TEC: variants seen among roughly 807,000 people sequenced by gnomAD.
The protein encoded by TEC is tyrosine-protein kinase Tec.
TEC carries 72 observed loss-of-function variants against 93.0 expected under a neutral mutation model. The ratio of observed to expected loss-of-function variants is 0.77; its 90% CI spans 0.64 to 0.94. TEC has a LOEUF of 0.94. TEC is among the 40% of genes least tolerant of loss of function. The pLI, the probability that TEC is intolerant of heterozygous loss-of-function variation, is 0.00. For synonymous variants in TEC, 249 were observed against 247.7 expected (o/e 1.01, Z -0.05); for missense variants, 630 against 757.9 (o/e 0.83, Z 1.98).
chr4:48,179,356 A>ATC (rs1274067290), intron 2 of TEC, among the ~76,000 whole-genome samples: 416 of 34,452 alleles, frequency 0.012, 5 homozygotes, highest in African/African-American at 0.043. Context: ...ATATATATAT[A>ATC]TATATATATA....
At chr4:48,176,518 C>T (rs1481983680) in intron 2 of TEC, among the ~76,000 whole-genome samples, 1 of 152,054 alleles carries the variant, frequency 6.6e-6, no homozygotes, top group Admixed American at 6.6e-5. Context: ...GCCAGCAGTT[C>T]GAGACCAGCC....
chr4:48,238,680 T>G (rs73817608), intron 1 of TEC, among the ~76,000 whole-genome samples: 23,670 of 149,764 alleles, frequency 0.16, 2,148 homozygotes, highest in Non-Finnish European at 0.2. Flanking sequence ...TTATGTAAAT[T>G]TATATATATG....
intron 14 of TEC, among the ~76,000 whole-genome samples, chr4:48,142,712 C>T (rs1046203820): frequency 3.3e-5 from 5 of 151,966 alleles, no homozygotes; most frequent in African/African-American, 7.3e-5. Flanking sequence ...AACTGAGTCT[C>T]GCTCTGTCAC....
At chr4:48,205,389 C>T (rs556568240) in intron 2 of TEC, among the ~76,000 whole-genome samples, 2 of 152,112 alleles carry the variant, frequency 1.3e-5, no homozygotes, top group Non-Finnish European at 2.9e-5. Flanking sequence ...ATGCAGGGGC[C>T]GGAGATCTGC....
At chr4:48,152,951 G>C (rs374696785) in intron 9 of TEC, among the ~76,000 whole-genome samples, 4 of 152,184 alleles carry the variant, frequency 2.6e-5, no homozygotes, top group East Asian at 3.8e-4. Flanking sequence ...CAGAAATGCA[G>C]AGAATTGTAG....
intron 2 of TEC, among the ~76,000 whole-genome samples, chr4:48,181,484 C>T (rs1466087958): frequency 1.3e-5 from 2 of 151,780 alleles, no homozygotes; most frequent in Non-Finnish European, 2.9e-5. Context: ...ACCAGCCTGG[C>T]CAACATGGTG....
chr4:48,152,306 T>C (rs1342083970), intron 9 of TEC, among the ~76,000 whole-genome samples: 1 of 151,864 alleles, frequency 6.6e-6, no homozygotes, highest in African/African-American at 2.4e-5. Context: ...GGCGTGGTGG[T>C]GCGCGCCTGT....
chr4:48,175,980 ACCTACAAATCAG>A, intron 3 of TEC, 90 bp downstream of exon 3: 1 of 811,768 alleles, frequency 1.2e-6, no homozygotes, highest in Non-Finnish European at 2.0e-6. Flanking sequence ...TGGCAAATGA[ACCTACAAATCAG>A]CCAGCAAAGC....
chr4:48,172,691 A>C (rs80192226), intron 3 of TEC, among the ~76,000 whole-genome samples: 1 of 152,344 alleles, frequency 6.6e-6, no homozygotes, highest in Non-Finnish European at 1.5e-5. Flanking sequence ...AAGACACAAA[A>C]ATGAATCGGA....
intron 9 of TEC, 54 bp downstream of exon 9, chr4:48,156,626 G>T: frequency 1.3e-6 from 2 of 1,482,652 alleles, no homozygotes; most frequent in Non-Finnish European, 1.9e-6. Flanking sequence ...ACTTATTATG[G>T]ACTCATTAAA....
Position 48,265,445 on chromosome 4 carries a change from G to A in TEC, c.-46+4307C>T, listed in dbSNP as rs1379970183. ...TATATATACACACACACATATATACGTATATATATACATATATACACACAC... is the reference window on the plus strand; with the variant it reads ...TATATATACACACACACATATATACATATATATATACATATATACACACAC... On this transcript the variant is annotated intron_variant, in intron 1 of 17. Coordinates refer to ENST00000381501, the MANE Select transcript of TEC (RefSeq NM_003215.3). Among the ~76,000 whole-genome samples the A allele has an allele frequency of 5.4e-3, 109 of 20,316 alleles. 1 individual carries two copies. The highest frequency in any genetic ancestry group is 0.04 in the South Asian group (5 of 124). 13.3% of individuals were successfully genotyped at this position (20,316 alleles called of 152,430 possible). A position where few individuals can be genotyped will look rare whatever the true frequency, so the allele number is the denominator to read the frequency against.
chr4:48,158,016 G>A (rs1720472615), intron 8 of TEC, among the ~76,000 whole-genome samples: 1 of 152,096 alleles, frequency 6.6e-6, no homozygotes, highest in African/African-American at 2.4e-5. Flanking sequence ...TTACTTGTTG[G>A]CAAAGAATTC....
At chr4:48,190,623 G>C (rs1722061162) in intron 2 of TEC, among the ~76,000 whole-genome samples, 1 of 152,164 alleles carries the variant, frequency 6.6e-6, no homozygotes, top group South Asian at 2.1e-4. Flanking sequence ...GCAAGAAATA[G>C]AAAGATAATC....
intron 8 of TEC, 88 bp from the exon 9 acceptor site, chr4:48,156,822 CAAT>C (rs1195158861): frequency 9.9e-7 from 1 of 1,011,590 alleles, no homozygotes. Context: ...TTCTGCTCAT[CAAT>C]AATAAATATA....
Position 48,137,315 on chromosome 4 carries a change from G to T in TEC, c.*101C>A. The T allele has an allele frequency of 1.1e-6, 1 of 908,454 alleles. No individual in the cohort carries two copies. Among genetic ancestry groups the T allele is most frequent in the Non-Finnish European group, 1.7e-6 (1 of 575,952 alleles). 56.3% of individuals were successfully genotyped at this position (908,454 alleles called of 1,614,324 possible). A position where few individuals can be genotyped will look rare whatever the true frequency, so the allele number is the denominator to read the frequency against. On this transcript the variant is annotated 3_prime_UTR_variant, in exon 18 of 18. Coordinates refer to ENST00000381501, the MANE Select transcript of TEC (RefSeq NM_003215.3). The stretch of plus-strand genomic sequence containing the variant: ...TTATTTATGTGTTTCCACTGTATAA[G>T]TAAAATGATCTACATGTCCAAGTGC...
intron 2 of TEC, among the ~76,000 whole-genome samples, chr4:48,193,013 A>G (rs1722144933): frequency 6.6e-6 from 1 of 152,142 alleles, no homozygotes; most frequent in African/African-American, 2.4e-5. Context: ...CAGGTGCCCA[A>G]TAACTTTGTT....
intron 1 of TEC, among the ~76,000 whole-genome samples, chr4:48,241,170 T>C (rs549378240): frequency 2.6e-5 from 4 of 152,148 alleles, no homozygotes; most frequent in Admixed American, 6.5e-5. Context: ...CTATTCATCA[T>C]TGTCATTATC....
chr4:48,263,656 C>T (rs1248751401), intron 1 of TEC, among the ~76,000 whole-genome samples: 1 of 152,046 alleles, frequency 6.6e-6, no homozygotes, highest in Non-Finnish European at 1.5e-5. Context: ...GAGATCATGC[C>T]ACTGCACTCC....
chr4:48,211,867 GT>G (rs1722911453), intron 2 of TEC, among the ~76,000 whole-genome samples: 1 of 152,018 alleles, frequency 6.6e-6, no homozygotes, highest in Admixed American at 6.6e-5. Context: ...GGAGGCCGAG[GT>G]AGGTGGATTG....
Sources: allele counts gnomAD v4.1 joint callset (sites outside exome capture counted in the v4.1 genomes callset), GRCh38; gene constraint gnomAD v4.1.1; transcripts MANE v1.5; gene names NCBI Gene and HGNC (gene_info 2026-07-23, HGNC 2026-07-21).